TMEM230: variants seen among roughly 807,000 people sequenced by gnomAD.
TMEM230 encodes transmembrane protein 230.
A neutral mutation model predicts 15.8 loss-of-function variants in TMEM230; 10 were observed. The ratio of observed to expected loss-of-function variants is 0.63; its 90% CI spans 0.39 to 1.07. The LOEUF (loss-of-function observed/expected upper bound fraction) is 1.07. Among genes scored for constraint, TMEM230 ranks in the 50% least tolerant of loss-of-function variants. TMEM230 has a pLI of 0.01. For synonymous variants in TMEM230, 67 were observed against 76.9 expected, an observed-to-expected ratio of 0.87 and a Z score of 0.68; for missense variants, 165 against 193.3, an observed-to-expected ratio of 0.85 and a Z score of 0.87.
chr20:5,074,926 G>A (rs1041383518), intron 3 of TMEM230, among the ~76,000 whole-genome samples: 14 of 152,142 alleles, frequency 9.2e-5, no homozygotes, highest in African/African-American at 2.9e-4. Context: ...GCCTCCCAAA[G>A]TGCTGGGATT....
chr20:5,086,663 A>ACTATAATTC (rs1368465158), intron 3 of TMEM230, among the ~76,000 whole-genome samples: 167 of 151,634 alleles, frequency 1.1e-3, no homozygotes, highest in Admixed American at 8.8e-3. Flanking sequence ...TATTTTGCTT[A>ACTATAATTC]CTATAATTCC....
chr20:5,059,928 T>C, the TMEM230 span, among the ~76,000 whole-genome samples: 2 of 151,108 alleles, frequency 1.3e-5, no homozygotes, highest in Non-Finnish European at 3.0e-5. Flanking sequence ...ACCACTACCA[T>C]GCCTGGCTAA....
chr20:5,099,625 C>G (rs1168272053), downstream of TMEM230, among the ~76,000 whole-genome samples: 1 of 152,158 alleles, frequency 6.6e-6, no homozygotes, highest in African/African-American at 2.4e-5. Flanking sequence ...TCGCAACTGC[C>G]TCCTCAACAG....
At chr20:5,061,342 G>A in the TMEM230 span, 4 of 152,238 alleles carry the variant, frequency 2.6e-5, no homozygotes, top group Admixed American at 1.3e-4. Flanking sequence ...CAGTGCTCTA[G>A]TACCTTGCTA....
rs58249139 is a variant in TMEM230, at chr20:5,091,529, G to GT, written c.222+14658dup. On this transcript the variant is annotated intron_variant, in intron 3 of 3. Transcript: ENST00000612323. Reference sequence around the variant, plus strand: ...CCCAGCTGGTATTGCTATTTTTGTTGTTTTTTTTCTCCCAAATATCTTTGA... The same window carrying GT: ...CCCAGCTGGTATTGCTATTTTTGTTGTTTTTTTTTCTCCCAAATATCTTTGA... 2.7e-3 allele frequency among the ~76,000 whole-genome samples: 416 copies of GT among 151,764 alleles called. 3 individuals carry two copies. Among genetic ancestry groups the GT allele is most frequent in the African/African-American group, 9.0e-3 (372 of 41,420 alleles).
chr20:5,078,724 C>T (rs895410967), intron 3 of TMEM230, among the ~76,000 whole-genome samples: 3 of 152,202 alleles, frequency 2.0e-5, no homozygotes, highest in Non-Finnish European at 2.9e-5. Flanking sequence ...CATGTGGCGA[C>T]GCCCTCCTTT....
chr20:5,078,721 C>A (rs1175898885), intron 3 of TMEM230, among the ~76,000 whole-genome samples: 3 of 152,166 alleles, frequency 2.0e-5, no homozygotes, highest in African/African-American at 7.2e-5. Context: ...AGTCATGTGG[C>A]GACGCCCTCC....
At chr20:5,084,447 C>T (rs6084993) in intron 3 of TMEM230, among the ~76,000 whole-genome samples, 66,766 of 151,732 alleles carry the variant, frequency 0.44, 17,083 homozygotes, top group East Asian at 0.84. Context: ...TGGTCTTGAA[C>T]TCCTGACCTC....
At chr20:5,079,994 T>G (rs1159888637) in intron 3 of TMEM230, among the ~76,000 whole-genome samples, 1 of 152,252 alleles carries the variant, frequency 6.6e-6, no homozygotes, top group African/African-American at 2.4e-5. Context: ...CTTACTGAGA[T>G]ACTTAAGAAG....
chr20:5,088,877 A>G (rs368290465), intron 3 of TMEM230, among the ~76,000 whole-genome samples: 12 of 152,206 alleles, frequency 7.9e-5, no homozygotes, highest in African/African-American at 2.9e-4. Context: ...AGCAGGTGGA[A>G]TGATACTGTT....
chr20:5,063,275 GA>G (rs2088623105), downstream of TMEM230, among the ~76,000 whole-genome samples: 2 of 103,940 alleles, frequency 1.9e-5, no homozygotes, highest in African/African-American at 7.3e-5. Flanking sequence ...TAGCTGCTAT[GA>G]ATTTTTTTTT....
intron 3 of TMEM230, among the ~76,000 whole-genome samples, chr20:5,089,815 C>T (rs922081861): frequency 1.3e-5 from 2 of 151,788 alleles, no homozygotes; most frequent in African/African-American, 2.4e-5. Flanking sequence ...GTCAGGAGTT[C>T]GAGACCAGCC....
downstream of TMEM230, among the ~76,000 whole-genome samples, chr20:5,099,237 AATCAATCAAT>A (rs2089760779): frequency 1.3e-4 from 4 of 30,946 alleles, no homozygotes; most frequent in South Asian, 2.3e-3. Context: ...TAAATAAATC[AATCAATCAAT>A]AATAAATAAA....
chr20:5,075,677 A>T (rs1272346104), intron 3 of TMEM230, among the ~76,000 whole-genome samples: 1 of 152,102 alleles, frequency 6.6e-6, no homozygotes, highest in Non-Finnish European at 1.5e-5. Context: ...GTGAGCTGAG[A>T]TCGCACCACT....
intron 3 of TMEM230, among the ~76,000 whole-genome samples, chr20:5,074,926 G>T (rs1041383518): frequency 6.6e-6 from 1 of 152,142 alleles, no homozygotes; most frequent in Admixed American, 6.6e-5. Flanking sequence ...GCCTCCCAAA[G>T]TGCTGGGATT....
At chr20:5,059,903 C>T in the TMEM230 span, among the ~76,000 whole-genome samples, 1 of 125,316 alleles carries the variant, frequency 8.0e-6, no homozygotes, top group South Asian at 2.3e-4. Flanking sequence ...CGTCAGCCTC[C>T]TGAGTAGCCA....
At chr20:5,059,763 A>ATTTTT in the TMEM230 span, among the ~76,000 whole-genome samples, 7 of 61,318 alleles carry the variant, frequency 1.1e-4, no homozygotes, top group African/African-American at 4.2e-4. Context: ...CTTCCAGCTA[A>ATTTTT]TTTTTTTTTT....
In TMEM230 at chr20:5,113,032, A is replaced by G. The variant is rs1282666628; in HGVS notation, c.-4T>C. On this transcript the variant is annotated 5_prime_UTR_variant, in exon 1 of 5. It removes an upstream start codon present in the reference 5' UTR. Coordinates refer to ENST00000342308, the MANE Select transcript of TMEM230 (RefSeq NM_001009923.2). ...TTGGCAGCGCCCAAGGTTGCATGGCATGGCCCGCTTAAGTGCCACTCAGCC... is the reference window on the plus strand; with the variant it reads ...TTGGCAGCGCCCAAGGTTGCATGGCGTGGCCCGCTTAAGTGCCACTCAGCC... 4 of 1,547,118 alleles carry G rather than the reference A, an allele frequency of 2.6e-6. No individual in the cohort carries two copies. In the South Asian group the frequency reaches 3.6e-5, roughly 14 times the overall value.
intron 3 of TMEM230, among the ~76,000 whole-genome samples, chr20:5,087,696 CTTT>C (rs561757286): frequency 0.35 from 34,913 of 98,820 alleles, 5,482 homozygotes; most frequent in South Asian, 0.55. Flanking sequence ...GAAAGTATGG[CTTT>C]TTTTTTTTTT....
Sources: allele counts gnomAD v4.1 joint callset (sites outside exome capture counted in the v4.1 genomes callset), GRCh38; gene constraint gnomAD v4.1.1; transcripts MANE v1.5; gene names NCBI Gene and HGNC (gene_info 2026-07-23, HGNC 2026-07-21).